TMEM219: variants seen among roughly 807,000 people sequenced by gnomAD.
The protein encoded by TMEM219 is transmembrane protein 219.
A neutral mutation model predicts 17.9 loss-of-function variants in TMEM219; 18 were observed. The ratio of observed to expected loss-of-function variants is 1.01; its 90% CI spans 0.70 to 1.49. TMEM219 has a LOEUF of 1.49. Ranked by LOEUF, TMEM219 falls within the 40% of genes most tolerant of loss-of-function variation. The pLI is 0.00. For missense variants in TMEM219, 288 were observed against 292.4 expected, an observed-to-expected ratio of 0.99 and a Z score of 0.11; for synonymous variants, 113 against 124.0, an observed-to-expected ratio of 0.91 and a Z score of 0.59.
chr16:29,971,446 G>C lies in TMEM219; in HGVS notation c.624G>C (p.Leu208Phe), dbSNP rs1336279304. Residue 208 changes from leucine (L) to phenylalanine (F), a missense_variant, in exon 5 of 6, where the codon TTG becomes TTC. Physicochemically the swap from Leu to Phe is conservative, Grantham distance 22. Coordinates refer to ENST00000279396, the MANE Select transcript of TMEM219 (RefSeq NM_001083613.2). ...TGTGTGGCTCCAGGCTGCTGGTCTT[G>C]GGCTCCTTCCTGCTTCTCTTCTGTG... Reference protein sequence around the residue: ...LALCGSRLLVLGSFLLLFCGL... With the variant: ...LALCGSRLLVFGSFLLLFCGL... The C allele has an allele frequency of 1.9e-6, 3 of 1,614,006 alleles. No individual in the cohort carries two copies. Among genetic ancestry groups the C allele is most frequent in the Non-Finnish European group, 2.5e-6 (3 of 1,179,992 alleles).
intron 3 of TMEM219, among the ~76,000 whole-genome samples, chr16:29,965,397 C>T (rs957824933): frequency 6.6e-6 from 1 of 152,088 alleles, no homozygotes; most frequent in South Asian, 2.1e-4. Flanking sequence ...AGATATGATT[C>T]ATGTACCATA....
intron 3 of TMEM219, among the ~76,000 whole-genome samples, chr16:29,965,221 T>A (rs2069197120): frequency 1.3e-5 from 2 of 152,166 alleles, no homozygotes; most frequent in African/African-American, 4.8e-5. Flanking sequence ...AACACTATCA[T>A]TCTAAGATTC....
At chr16:29,971,306 C>A in intron 4 of TMEM219, 102 bp from the exon 5 acceptor site, 1 of 1,172,802 alleles carries the variant, frequency 8.5e-7, no homozygotes, top group Non-Finnish European at 1.2e-6. Flanking sequence ...CCTTCAGTTG[C>A]TCCCTAGATG....
At chr16:29,967,417 C>T (rs1048836599) in intron 3 of TMEM219, among the ~76,000 whole-genome samples, 4 of 151,954 alleles carry the variant, frequency 2.6e-5, no homozygotes, top group Admixed American at 6.6e-5. Flanking sequence ...GAGTCCAGCC[C>T]GGGCAATACA....
chr16:29,965,441 G>A (rs573787238), intron 3 of TMEM219, among the ~76,000 whole-genome samples: 2 of 152,038 alleles, frequency 1.3e-5, no homozygotes, highest in South Asian at 2.1e-4. Context: ...AGTTAGGGCC[G>A]GATGTGGTGG....
chr16:29,970,466 A>C (rs912913824), intron 4 of TMEM219, among the ~76,000 whole-genome samples: 2 of 151,068 alleles, frequency 1.3e-5, no homozygotes, highest in Non-Finnish European at 2.9e-5. Context: ...CTGGGACTAC[A>C]GGCGCCCGCC....
intron 3 of TMEM219, among the ~76,000 whole-genome samples, chr16:29,967,460 A>G (rs889838857): frequency 2.6e-5 from 4 of 152,130 alleles, no homozygotes; most frequent in Non-Finnish European, 4.4e-5. Context: ...AAATTTTTTT[A>G]AATTAGCCAG....
chr16:29,967,699 G>A (rs767744543), intron 3 of TMEM219, among the ~76,000 whole-genome samples: 4 of 152,122 alleles, frequency 2.6e-5, no homozygotes, highest in Admixed American at 2.0e-4. Context: ...AGGCCAAGGC[G>A]GGCGGATCAC....
chr16:29,968,253 C>T lies in TMEM219; in HGVS notation c.584C>T (p.Ser195Leu), dbSNP rs371222070. The T allele has an allele frequency of 3.2e-4, 515 of 1,610,450 alleles. 1 individual carries two copies. Among genetic ancestry groups the T allele is most frequent in the Non-Finnish European group, 4.1e-4 (488 of 1,177,108 alleles). ...EGLVLTKLLTSEELALCGSRL... is the reference protein window; with the variant it reads ...EGLVLTKLLTLEELALCGSRL... ...CTTGTGCTGACCAAGCTGCTCACCT[C>T]GGTAAGAGCCTCAGATGGGTCGCCA... The change falls in exon 4 of 6, where the codon TCG becomes TTG. Residue 195 changes from serine to leucine, a missense_variant and splice_region_variant. By Grantham distance (145) the Ser-to-Leu change is moderately radical. Transcript: ENST00000279396.
In TMEM219 at chr16:29,971,508, C is replaced by T. The variant is rs377452886; in HGVS notation, c.686C>T (p.Pro229Leu). The change falls in exon 5 of 6, where the codon CCG becomes CTG. Residue 229 changes from proline (P) to leucine (L), a missense_variant. Transcript: ENST00000279396. Reference protein sequence around the residue: ...LCCVTAMCFHPRRESHWSRTR... With the variant: ...LCCVTAMCFHLRRESHWSRTR... ...TGTGTCACTGCTATGTGCTTCCACCCGCGCCGGGAGTCCCACTGGTCTAGA... is the reference window on the plus strand; with the variant it reads ...TGTGTCACTGCTATGTGCTTCCACCTGCGCCGGGAGTCCCACTGGTCTAGA... 6.4e-5 allele frequency: 103 copies of T among 1,613,744 alleles called. No individual in the cohort carries two copies. Among genetic ancestry groups the T allele is most frequent in the African/African-American group, 1.3e-4 (10 of 74,872 alleles).
At chr16:29,964,685 CAA>C (rs71373219) in intron 3 of TMEM219, among the ~76,000 whole-genome samples, 8 of 141,598 alleles carry the variant, frequency 5.6e-5, no homozygotes, top group Admixed American at 7.0e-5. Context: ...CACCCTGCGC[CAA>C]AAAAAAAAAA....
intron 4 of TMEM219, 98 bp from the exon 5 acceptor site, chr16:29,971,310 C>G (rs1179365639): frequency 1.6e-6 from 2 of 1,274,678 alleles, no homozygotes; most frequent in Non-Finnish European, 1.1e-6. Flanking sequence ...CAGTTGCTCC[C>G]TAGATGTGGA....
At position 29,971,564 on chromosome 16, in the gene TMEM219, C is replaced by G; in HGVS notation, c.*19C>G. 4 of 1,587,308 alleles carry G rather than the reference C, an allele frequency of 2.5e-6. No individual in the cohort carries two copies. Among genetic ancestry groups the G allele is most frequent in the East Asian group, 2.3e-5 (1 of 43,000 alleles). On this transcript the variant is annotated 3_prime_UTR_variant, in exon 5 of 6. Transcript: ENST00000279396. ...GCTCTGAGGGCACTGGCCTAGTTCC[C>G]GACTTGTTTCTCAGGTGAGGTTCTT... is the stretch of plus-strand genomic sequence containing the variant.
At chr16:29,966,690 C>T (rs888709238) in intron 3 of TMEM219, among the ~76,000 whole-genome samples, 1 of 152,042 alleles carries the variant, frequency 6.6e-6, no homozygotes, top group Admixed American at 6.6e-5. Flanking sequence ...GTCGTGGGCA[C>T]CTGTAATCCC....
Position 29,968,218 on chromosome 16 carries a change from C to A in TMEM219, c.549C>A (p.Ser183Arg). ...GTGAGGAATGTGTTAGTGTCTGGAG[C>A]CATGAAGGCCTTGTGCTGACCAAGC... Reference protein sequence around the residue: ...RMGEECVSVWSHEGLVLTKLL... With the variant: ...RMGEECVSVWRHEGLVLTKLL... Residue 183 changes from serine (S) to arginine (R), a missense_variant, in exon 4 of 6, where the codon AGC becomes AGA. Ser to Arg is a moderately radical substitution (Grantham distance 110, BLOSUM62 -1). Transcript: ENST00000279396. 1 of 1,614,158 alleles carries A rather than the reference C, an allele frequency of 6.2e-7. No individual in the cohort carries two copies. Among genetic ancestry groups the A allele is most frequent in the Non-Finnish European group, 8.5e-7 (1 of 1,180,034 alleles).
At chr16:29,969,251 C>T (rs1025678271) in intron 4 of TMEM219, among the ~76,000 whole-genome samples, 2 of 135,256 alleles carry the variant, frequency 1.5e-5, no homozygotes, top group Non-Finnish European at 1.5e-5. Context: ...GGCTGGGGTG[C>T]AGTGGCACAA....
intron 3 of TMEM219, 93 bp from the exon 4 acceptor site, chr16:29,967,932 A>G (rs2069234224): frequency 1.8e-6 from 2 of 1,087,114 alleles, no homozygotes; most frequent in Non-Finnish European, 2.7e-6. Flanking sequence ...GCCTCAAAAA[A>G]AAAAAAAGAA....
intron 1 of TMEM219, 45 bp from the exon 2 acceptor site, chr16:29,963,062 C>T (rs1452983625): frequency 6.7e-7 from 1 of 1,499,602 alleles, no homozygotes; most frequent in South Asian, 1.2e-5. Flanking sequence ...TTTCTCTTTG[C>T]GTAAAAGCGG....
chr16:29,962,400 T>C (rs1331437516), intron 1 of TMEM219, among the ~76,000 whole-genome samples: 2 of 152,068 alleles, frequency 1.3e-5, no homozygotes, highest in Non-Finnish European at 2.9e-5. Flanking sequence ...GAAGTTCTTT[T>C]CCATCAGGCC....
Sources: gnomAD v4.1 joint callset for allele counts (sites outside exome capture counted in the v4.1 genomes callset) on GRCh38, gnomAD v4.1.1 for gene constraint, MANE v1.5 for transcripts, NCBI Gene and HGNC (gene_info 2026-07-23, HGNC 2026-07-21) for gene names.